Variants in AK8 observed in about 807,000 individuals in gnomAD.
The protein encoded by AK8 is adenylate kinase 8.
In AK8, 44 loss-of-function variants were observed where a neutral mutation model predicts 54.6. The observed-to-expected ratio is 0.81, with a 90% CI of 0.63 to 1.04. AK8 has a LOEUF of 1.04. AK8 is among the 50% of genes least tolerant of loss of function. The pLI is 0.00. For synonymous variants in AK8, 239 were observed against 245.6 expected (o/e 0.97, Z 0.25); for missense variants, 555 against 613.6 (o/e 0.90, Z 1.01).
rs542035188 is a variant in AK8, at chr9:132,800,438, C to T, written c.980-7663G>A. Among the ~76,000 whole-genome samples, 22 of 152,288 alleles carry T rather than the reference C, an allele frequency of 1.4e-4. No homozygotes were observed. The South Asian group carries it at 4.1e-3, about 29-fold the overall frequency. ...TGAGGAGAAACTGGGATTGTTCCAT[C>T]GGCCGCACCCTGCAATTCCTAAGGG... On this transcript the variant is annotated intron_variant, in intron 10 of 12. Transcript: ENST00000298545.
At position 132,803,437 on chromosome 9, in the gene AK8, C is replaced by T. The variant is rs1278128636; in HGVS notation, c.980-10662G>A. ...CACCCGACAGGACTTGCTGTGAGTACCATTACTACCACTAAGATGATGACG... is the reference window on the plus strand; with the variant it reads ...CACCCGACAGGACTTGCTGTGAGTATCATTACTACCACTAAGATGATGACG... On this transcript the variant is annotated intron_variant, in intron 10 of 12. Transcript: ENST00000298545. The surrounding 1 kb of genome is among the most constrained non-coding windows in gnomAD (Gnocchi z 4.4). 6.6e-6 allele frequency among the ~76,000 whole-genome samples: 1 copy of T among 152,096 alleles called. No homozygotes were observed. Among genetic ancestry groups the T allele is most frequent in the Non-Finnish European group, 1.5e-5 (1 of 68,024 alleles).
chr9:132,785,858 A>G (rs2131144865), intron 11 of AK8, among the ~76,000 whole-genome samples: 1 of 152,382 alleles, frequency 6.6e-6, no homozygotes, highest in South Asian at 2.1e-4. Context: ...AGGAACATGC[A>G]AATGTAACAA....
At chr9:132,811,723 C>G (rs1318480107) in intron 10 of AK8, among the ~76,000 whole-genome samples, 1 of 152,230 alleles carries the variant, frequency 6.6e-6, no homozygotes. Flanking sequence ...TACAGCATCA[C>G]CACTGCCACT....
rs1019815381 is a variant in AK8 at position 132,799,205 on chromosome 9, C to G, written c.980-6430G>C. Among the ~76,000 whole-genome samples, 1 of 152,162 alleles carries G rather than the reference C, an allele frequency of 6.6e-6. No individual in the cohort carries two copies. Among genetic ancestry groups the G allele is most frequent in the African/African-American group, 2.4e-5 (1 of 41,422 alleles). ...TGTCCGCACCGCAGAGCCAGCCCTG[C>G]AGGGACCTTGGCTTTCTGCCCATCA... On this transcript the variant is annotated intron_variant, in intron 10 of 12. Coordinates refer to ENST00000298545, the MANE Select transcript of AK8 (RefSeq NM_152572.3). This position sits in a 1 kb window ranked among gnomAD's most constrained non-coding sequence, Gnocchi z 5.0.
chr9:132,732,629 G>A (rs547772385), intron 11 of AK8, among the ~76,000 whole-genome samples: 1 of 152,274 alleles, frequency 6.6e-6, no homozygotes, highest in South Asian at 2.1e-4. Flanking sequence ...AGGCAATGAA[G>A]TGGAAGCCCG....
At position 132,866,937 on chromosome 9, in the gene AK8, T is replaced by C; in HGVS notation, c.186A>G (p.Ile62Met). 6.2e-7 allele frequency: 1 copy of C among 1,614,156 alleles called. No individual in the cohort carries two copies. Among genetic ancestry groups the C allele is most frequent in the South Asian group, 1.1e-5 (1 of 91,088 alleles). The change falls in exon 3 of 13, where the codon ATA (isoleucine) becomes ATG (methionine). Residue 62 changes from isoleucine (I) to methionine (M), a missense_variant. Transcript: ENST00000298545. The stretch of plus-strand genomic sequence containing the variant: ...TTTTCCCTGAGGCGGGTGGACCTAA[T>C]ATTACAATCCTGGGCACTGTGGAAT... ...RDNDNVPRIV[I>M]LGPPASGKTT...
At chr9:132,862,277 C>T (rs1005019534) in intron 4 of AK8, among the ~76,000 whole-genome samples, 6 of 151,888 alleles carry the variant, frequency 4.0e-5, no homozygotes, top group African/African-American at 1.5e-4. Flanking sequence ...AAGCTGCTGT[C>T]ATAGGCAGAC....
At chr9:132,846,555 A>T (rs914309347) in intron 5 of AK8, among the ~76,000 whole-genome samples, 1 of 151,676 alleles carries the variant, frequency 6.6e-6, no homozygotes, top group Non-Finnish European at 1.5e-5. Context: ...ATGAATGAGT[A>T]CTTTTAGGAA....
intron 11 of AK8, among the ~76,000 whole-genome samples, chr9:132,784,196 G>A (rs1306533460): frequency 6.6e-6 from 1 of 152,160 alleles, no homozygotes; most frequent in Non-Finnish European, 1.5e-5. Context: ...CAGAGAGACA[G>A]AGAGATCTCC....
At chr9:132,753,971 A>T (rs1838068493) in intron 11 of AK8, among the ~76,000 whole-genome samples, 1 of 152,176 alleles carries the variant, frequency 6.6e-6, no homozygotes, top group Non-Finnish European at 1.5e-5. Context: ...AGCGCAACTC[A>T]CAGAGGGCAC....
chr9:132,754,049 A>T (rs1335886793), intron 11 of AK8, among the ~76,000 whole-genome samples: 1 of 152,084 alleles, frequency 6.6e-6, no homozygotes, highest in African/African-American at 2.4e-5. Flanking sequence ...TCTCTAAAGG[A>T]CCCACTGCAG....
chr9:132,843,812 G>T (rs1396198661), intron 5 of AK8, among the ~76,000 whole-genome samples: 1 of 152,174 alleles, frequency 6.6e-6, no homozygotes, highest in Non-Finnish European at 1.5e-5. Context: ...ACAGGAGTGA[G>T]GGGGGACTTT....
At position 132,770,852 on chromosome 9, in the gene AK8, C is replaced by T. The variant is rs1470510308; in HGVS notation, c.1121+21782G>A. On this transcript the variant is annotated intron_variant, in intron 11 of 12. Coordinates refer to ENST00000298545, the MANE Select transcript of AK8 (RefSeq NM_152572.3). The surrounding 1 kb of genome is among the most constrained non-coding windows in gnomAD (Gnocchi z 4.3). ...CAGACCCCCTGGCATGGGGTTACAC[C>T]TTCTCTCAGGCCCAGCGGTGTGGGC... 1.3e-5 allele frequency among the ~76,000 whole-genome samples: 2 copies of T among 152,160 alleles called. No individual in the cohort carries two copies. Among genetic ancestry groups the T allele is most frequent in the Non-Finnish European group, 2.9e-5 (2 of 68,022 alleles).
At chr9:132,827,512 T>C (rs1841922633) in intron 7 of AK8, 1 of 216,584 alleles carries the variant, frequency 4.6e-6, no homozygotes, top group Admixed American at 5.2e-5. Context: ...GCCCGGAAGA[T>C]CAAGGGCAGT....
At chr9:132,787,681 G>A (rs1338623173) in intron 11 of AK8, among the ~76,000 whole-genome samples, 1 of 152,164 alleles carries the variant, frequency 6.6e-6, no homozygotes, top group African/African-American at 2.4e-5. Context: ...TATCGAATAT[G>A]GGAGAGGGGT....
intron 11 of AK8, among the ~76,000 whole-genome samples, chr9:132,775,663 C>T (rs1839181126): frequency 6.6e-6 from 1 of 152,178 alleles, no homozygotes; most frequent in Admixed American, 6.5e-5. Context: ...CACACAGAGC[C>T]CTTGCTATAT....
At position 132,794,309 on chromosome 9, in the gene AK8, G is replaced by A. The variant is rs77505153; in HGVS notation, c.980-1534C>T. ...CCCAGTGCTCCGAGGATAAAGAGCA[G>A]TCTCCTTTCCAAGGCAAGGTCTGTG... On this transcript the variant is annotated intron_variant, in intron 10 of 12. Coordinates refer to ENST00000298545, the MANE Select transcript of AK8 (RefSeq NM_152572.3). Among the ~76,000 whole-genome samples, 42 of 152,318 alleles carry A rather than the reference G, an allele frequency of 2.8e-4. 1 individual carries two copies. The East Asian group carries it at 7.5e-3, about 27-fold the overall frequency.
chr9:132,872,984 TTTTTA>T (rs1449982211), intron 2 of AK8, among the ~76,000 whole-genome samples: 1 of 152,126 alleles, frequency 6.6e-6, no homozygotes, highest in Non-Finnish European at 1.5e-5. Flanking sequence ...GCTAATTTTT[TTTTTA>T]TTTTTAGTAG....
At chr9:132,833,030 C>A (rs1842170456) in intron 5 of AK8, among the ~76,000 whole-genome samples, 1 of 152,192 alleles carries the variant, frequency 6.6e-6, no homozygotes, top group Non-Finnish European at 1.5e-5. Flanking sequence ...AGCCACCCCC[C>A]ACTGTATGGA....
Sources: allele counts gnomAD v4.1 joint callset (sites outside exome capture counted in the v4.1 genomes callset), GRCh38; gene constraint gnomAD v4.1.1; non-coding constraint Gnocchi (gnomAD v3.1); transcripts MANE v1.5; gene names NCBI Gene and HGNC (gene_info 2026-07-23, HGNC 2026-07-21).